The following TBR1 variants were observed in gnomAD, a reference collection of about 807,000 sequenced individuals.
TBR1 encodes T-box brain protein 1.
Under a neutral mutation model 60.3 loss-of-function variants are expected in TBR1, and 7 were observed. That is an observed-to-expected ratio of 0.12 (90% CI 0.07 to 0.22). The LOEUF is 0.22. Ranked by LOEUF, TBR1 falls within the 10% of genes least tolerant of loss-of-function variation. TBR1 has a pLI of 1.00. For synonymous variants in TBR1, 417 were observed against 409.9 expected, an observed-to-expected ratio of 1.02 and a Z score of -0.21; for missense variants, 616 against 936.8, an observed-to-expected ratio of 0.66 and a Z score of 4.47.
Position 161,424,104 on chromosome 2 carries a change from G to A in TBR1, c.1926G>A (p.Pro642=), listed in dbSNP as rs762209454. ...YEQAKRRRIS[P]ADTPVSESSS... ...AGGCCAAGCGGAGGCGGATCTCGCC[G>A]GCCGACACGCCCGTGTCCGAGAGTT... The change falls in exon 6 of 6, where the codon CCG becomes CCA. Residue 642 remains proline, a synonymous_variant. Coordinates refer to ENST00000389554, the MANE Select transcript of TBR1 (RefSeq NM_006593.4). The surrounding 1 kb of genome is among the most constrained non-coding windows in gnomAD (Gnocchi z 4.4). The A allele has an allele frequency of 1.2e-6, 2 of 1,612,054 alleles. No homozygotes were observed. The highest frequency in any genetic ancestry group is 1.7e-6 in the Non-Finnish European group (2 of 1,179,414).
At position 161,418,243 on chromosome 2, in the gene TBR1, C is replaced by T; in HGVS notation, c.890C>T (p.Ala297Val). Residue 297 changes from alanine to valine, a missense_variant, in exon 3 of 6, where the codon GCT (alanine) becomes GTT (valine). Ala to Val is a moderately conservative substitution (Grantham distance 64). Around this residue, in one of 8 missense-constraint regions of TBR1, gnomAD observed 85 missense variants for 164.9 expected, o/e 0.52. Transcript: ENST00000389554. Reference protein sequence around the residue: ...YMHPDSPNTGAHWMRQEISFG... With the variant: ...YMHPDSPNTGVHWMRQEISFG... The stretch of plus-strand genomic sequence containing the variant: ...CATCCGGATTCCCCCAACACTGGGG[C>T]TCACTGGATGCGCCAAGAAATCTCT... 6.2e-7 allele frequency: 1 copy of T among 1,614,002 alleles called. No individual in the cohort carries two copies. Among genetic ancestry groups the T allele is most frequent in the Non-Finnish European group, 8.5e-7 (1 of 1,179,988 alleles).
intron 5 of TBR1, 76 bp from the exon 6 acceptor site, chr2:161,423,293 C>T: frequency 8.9e-7 from 1 of 1,126,998 alleles, no homozygotes; most frequent in Non-Finnish European, 1.2e-6. Flanking sequence ...GTGGCCTTCC[C>T]TTCTGCCCCC....
chr2:161,420,077 C>T, intron 4 of TBR1, 119 bp from the exon 5 acceptor site: 2 of 671,076 alleles, frequency 3.0e-6, no homozygotes, highest in Non-Finnish European at 4.7e-6. Flanking sequence ...TTAGGAAAAC[C>T]TTGCTATTTA....
chr2:161,425,410 AG>A lies in TBR1; in HGVS notation c.*1184del, dbSNP rs1054544729. 3.3e-5 allele frequency: 5 copies of A among 152,162 alleles called. No individual in the cohort carries two copies. Among genetic ancestry groups the A allele is most frequent in the Non-Finnish European group, 7.4e-5 (5 of 68,022 alleles). 9.4% of individuals were successfully genotyped at this position (152,162 alleles called of 1,614,324 possible). On this transcript the variant is annotated 3_prime_UTR_variant, in exon 6 of 6. Coordinates refer to ENST00000389554, the MANE Select transcript of TBR1 (RefSeq NM_006593.4). The stretch of plus-strand genomic sequence containing the variant: ...TGAGTTGTATATTTTACTGCATTTT[AG>A]TTTTGAAAATGACTTCCCCACCACC...
In TBR1 at chr2:161,423,467, C is replaced by G; in HGVS notation, c.1289C>G (p.Ser430Cys). ...VPGARYAMAG[S>C]FLQDQFVSNY... is the part of the protein sequence containing the mutation. The stretch of plus-strand genomic sequence containing the variant: ...GGGGCCCGCTACGCCATGGCCGGCT[C>G]TTTCCTGCAGGACCAGTTCGTGAGC... The change falls in exon 6 of 6, where the codon TCT (serine) becomes TGT (cysteine). Residue 430 changes from serine to cysteine, a missense_variant. By Grantham distance (112) the Ser-to-Cys change is moderately radical (BLOSUM62 -1). Transcript: ENST00000389554. 1.2e-6 allele frequency: 2 copies of G among 1,607,316 alleles called. No individual in the cohort carries two copies. The highest frequency in any genetic ancestry group is 1.7e-6 in the Non-Finnish European group (2 of 1,177,590).
At position 161,417,340 on chromosome 2, in the gene TBR1, G is replaced by A. The variant is rs1684140584; in HGVS notation, c.692+238G>A. 3 of 578,266 alleles carry A rather than the reference G, an allele frequency of 5.2e-6. No homozygotes were observed. The highest frequency in any genetic ancestry group is 9.0e-6 in the Non-Finnish European group (3 of 334,558). The allele number at this position is 578,266 out of a possible 1,614,324, so 35.8% of individuals were successfully genotyped here. On this transcript the variant is annotated intron_variant, in intron 1 of 5. Coordinates refer to ENST00000389554, the MANE Select transcript of TBR1 (RefSeq NM_006593.4). The surrounding 1 kb of genome is among the most constrained non-coding windows in gnomAD (Gnocchi z 5.3). ...CCAGTCAGTGGCCAGAGGAAGGCAA[G>A]AAAAAGGAAGAGCCCTGGCCAGCGG...
intron 5 of TBR1, 151 bp from the exon 6 acceptor site, chr2:161,423,218 T>C (rs1290553679): frequency 5.6e-6 from 3 of 532,032 alleles, no homozygotes. Flanking sequence ...GCCTCTTGTA[T>C]TCTCCAGGAA....
rs1444105164 is a variant in TBR1, at chr2:161,417,127, C to T, written c.692+25C>T. The T allele has an allele frequency of 1.3e-6, 2 of 1,550,780 alleles. No individual in the cohort carries two copies. Among genetic ancestry groups the T allele is most frequent in the Admixed American group, 1.9e-5 (1 of 52,502 alleles). On this transcript the variant is annotated intron_variant, in intron 1 of 5. Coordinates refer to ENST00000389554, the MANE Select transcript of TBR1 (RefSeq NM_006593.4). This position sits in a 1 kb window ranked among gnomAD's most constrained non-coding sequence, Gnocchi z 5.3. Reference sequence around the variant, plus strand: ...GGTAATACTACATTTTTGGCTGCCGCTGCTCTAGGCGCAGCCGGGGACAAG... The same window carrying T: ...GGTAATACTACATTTTTGGCTGCCGTTGCTCTAGGCGCAGCCGGGGACAAG...
intron 5 of TBR1, chr2:161,422,191 C>CTA (rs1382433836): frequency 6.6e-6 from 1 of 152,166 alleles, no homozygotes; most frequent in Non-Finnish European, 1.5e-5. Context: ...AGTCTGTTGA[C>CTA]TAAAGATTAA....
At position 161,423,789 on chromosome 2, in the gene TBR1, C is replaced by A; in HGVS notation, c.1611C>A (p.Gly537=). 1 of 1,476,808 alleles carries A rather than the reference C, an allele frequency of 6.8e-7. No homozygotes were observed. The highest frequency in any genetic ancestry group is 8.9e-7 in the Non-Finnish European group (1 of 1,119,954). The allele number at this position is 1,476,808 out of a possible 1,614,324, so 91.5% of individuals were successfully genotyped here. ...QAAGCTGRPL[G]YYADPSGWGA... The stretch of plus-strand genomic sequence containing the variant: ...CAGGCTGCACTGGCCGCCCGCTCGG[C>A]TACTACGCCGACCCGTCGGGCTGGG... Residue 537 remains glycine, a synonymous_variant, in exon 6 of 6, where the codon GGC becomes GGA. Transcript: ENST00000389554.
Position 161,423,673 on chromosome 2 carries a change from G to A in TBR1, c.1495G>A (p.Ala499Thr), listed in dbSNP as rs752992287. The change falls in exon 6 of 6, where the codon GCC becomes ACC. Residue 499 changes from alanine (A) to threonine (T), a missense_variant. Ala to Thr is a moderately conservative substitution (Grantham distance 58). Transcript: ENST00000389554. ...ANNRLDFAAS[A>T]YDTATDFAGN... is the part of the protein sequence containing the mutation. ...CAACCGGCTGGACTTCGCGGCCTCG[G>A]CCTATGACACGGCCACGGACTTCGC... 2.6e-6 allele frequency: 4 copies of A among 1,544,602 alleles called. No individual in the cohort carries two copies. Among genetic ancestry groups the A allele is most frequent in the Admixed American group, 3.7e-5 (2 of 54,232 alleles).
chr2:161,416,616 C>T lies in TBR1; in HGVS notation c.206C>T (p.Pro69Leu), dbSNP rs1684126633. The change falls in exon 1 of 6, where the codon CCT becomes CTT. Residue 69 changes from proline (P) to leucine (L), a missense_variant. Pro to Leu is a moderately conservative substitution (Grantham distance 98). Around this residue, in one of 8 missense-constraint regions of TBR1, gnomAD observed 211 missense variants for 268.7 expected, o/e 0.79. Coordinates refer to ENST00000389554, the MANE Select transcript of TBR1 (RefSeq NM_006593.4). This position sits in a 1 kb window ranked among gnomAD's most constrained non-coding sequence, Gnocchi z 6.1. ...AATCAGTCAGATACAGACAATTTTC[C>T]TGACTCCAAGGACTCACCAGGGGAC... The part of the protein sequence containing the change: ...MTNQSDTDNF[P>L]DSKDSPGDVQ... 6.2e-7 allele frequency: 1 copy of T among 1,614,060 alleles called. No homozygotes were observed. The highest frequency in any genetic ancestry group is 1.3e-5 in the African/African-American group (1 of 74,920).
intron 5 of TBR1, 158 bp downstream of exon 5, chr2:161,420,415 CTTCTTTT>C (rs968289056): frequency 9.8e-4 from 185 of 188,702 alleles, no homozygotes; most frequent in South Asian, 1.7e-3. Context: ...TCTTCTTCCT[CTTCTTTT>C]TTTTTTTTTT....
chr2:161,424,314 C>T lies in TBR1; in HGVS notation c.*87C>T. 1.5e-6 allele frequency: 2 copies of T among 1,363,460 alleles called. No homozygotes were observed. The allele number at this position is 1,363,460 out of a possible 1,614,324, so 84.5% of individuals were successfully genotyped here. A position where few individuals can be genotyped will look rare whatever the true frequency, so the allele number is the denominator to read the frequency against. The stretch of plus-strand genomic sequence containing the variant: ...TCCCCAGCTCCGCCTCCCCACACTC[C>T]TCCTTGCGCACCCACTCATTTTATT... On this transcript the variant is annotated 3_prime_UTR_variant, in exon 6 of 6. Coordinates refer to ENST00000389554, the MANE Select transcript of TBR1 (RefSeq NM_006593.4). This position sits in a 1 kb window ranked among gnomAD's most constrained non-coding sequence, Gnocchi z 4.4.
intron 2 of TBR1, 181 bp downstream of exon 2, chr2:161,418,011 T>G: frequency 6.9e-7 from 1 of 1,451,994 alleles, no homozygotes; most frequent in Non-Finnish European, 9.1e-7. Context: ...GCAAAAGCTA[T>G]TTTAATCACC....
At position 161,418,421 on chromosome 2, in the gene TBR1, T is replaced by C. The variant is rs1684169346; in HGVS notation, c.969+99T>C. On this transcript the variant is annotated intron_variant, in intron 3 of 5. Coordinates refer to ENST00000389554, the MANE Select transcript of TBR1 (RefSeq NM_006593.4). The stretch of plus-strand genomic sequence containing the variant: ...AGCAGCATATGGAACTGGATACACG[T>C]TTCTTTGCTTCATTAAAAAGACTTA... 3.5e-6 allele frequency: 5 copies of C among 1,445,190 alleles called. No individual in the cohort carries two copies. In the East Asian group the frequency reaches 7.0e-5, roughly 20 times the overall value. 89.5% of individuals were successfully genotyped at this position (1,445,190 alleles called of 1,614,324 possible). A position where few individuals can be genotyped will look rare whatever the true frequency, so the allele number is the denominator to read the frequency against.
chr2:161,421,849 C>T (rs1684235945), intron 5 of TBR1: 2 of 152,050 alleles, frequency 1.3e-5, no homozygotes, highest in East Asian at 1.9e-4. Flanking sequence ...CTCACATGCC[C>T]CTCCTCCTCT....
chr2:161,421,934 C>G lies in TBR1; in HGVS notation c.1191-1435C>G, dbSNP rs900677564. 1.0e-4 allele frequency: 4 copies of G among 38,124 alleles called. No homozygotes were observed. In the East Asian group the frequency reaches 2.3e-3, roughly 22 times the overall value. 2.4% of individuals were successfully genotyped at this position (38,124 alleles called of 1,614,324 possible). A position where few individuals can be genotyped will look rare whatever the true frequency, so the allele number is the denominator to read the frequency against. On this transcript the variant is annotated intron_variant, in intron 5 of 5. Coordinates refer to ENST00000389554, the MANE Select transcript of TBR1 (RefSeq NM_006593.4). ...AAATCTTTCATAAAAGCTTCTTTAT[C>G]TATACACACACACACACACACACAC...
chr2:161,421,758 C>G (rs937756621), intron 5 of TBR1: 6 of 152,176 alleles, frequency 3.9e-5, no homozygotes, highest in Admixed American at 1.3e-4. Flanking sequence ...CTCTACTTCT[C>G]TTATTTGAAA....
Sources: allele counts gnomAD v4.1 joint callset, GRCh38; gene constraint gnomAD v4.1.1; regional missense constraint gnomAD v4.1.1; non-coding constraint Gnocchi (gnomAD v3.1); transcripts MANE v1.5; gene names NCBI Gene and HGNC (gene_info 2026-07-23, HGNC 2026-07-21).